The following SLC35F3 variants were observed in gnomAD, a reference collection of about 807,000 sequenced individuals.
SLC35F3 encodes the protein putative thiamine transporter SLC35F3.
SLC35F3 carries 25 observed loss-of-function variants against 49.9 expected under a neutral mutation model. The observed-to-expected ratio is 0.50, with a 90% CI of 0.37 to 0.70. The LOEUF (loss-of-function observed/expected upper bound fraction) is 0.70, where lower values mean the gene tolerates loss of function less well. Among genes scored for constraint, SLC35F3 ranks in the 30% least tolerant of loss-of-function variants. SLC35F3 has a pLI of 0.00. For missense variants in SLC35F3, 525 were observed against 639.8 expected (o/e 0.82, Z 1.94); for synonymous variants, 275 against 265.4 (o/e 1.04, Z -0.35).
At chr1:234,002,654 C>T (rs1356276854) in intron 2 of SLC35F3, among the ~76,000 whole-genome samples, 1 of 152,110 alleles carries the variant, frequency 6.6e-6, no homozygotes, top group African/African-American at 2.4e-5. Context: ...GTCAGATTCC[C>T]CCACTATAAA....
intron 2 of SLC35F3, among the ~76,000 whole-genome samples, chr1:234,227,293 G>A (rs1267579147): frequency 6.6e-6 from 1 of 151,450 alleles, no homozygotes; most frequent in Non-Finnish European, 1.5e-5. Flanking sequence ...GACATAAATA[G>A]TATTTCTAGT....
rs182938115 is a variant in SLC35F3, at chr1:234,204,025, A to G, written c.284-27392A>G. ...ATGCATGCCTTTTTTCCTCTCTAGC[A>G]TTTTCCCTGTGTTATTGAATAACTT... is the stretch of plus-strand genomic sequence containing the variant. On this transcript the variant is annotated intron_variant, in intron 2 of 7. Transcript: ENST00000366618. Among the ~76,000 whole-genome samples, 16 of 152,088 alleles carry G rather than the reference A, an allele frequency of 1.1e-4. No individual in the cohort carries two copies. The East Asian group carries it at 2.3e-3, about 22-fold the overall frequency.
intron 2 of SLC35F3, among the ~76,000 whole-genome samples, chr1:234,155,055 C>A (rs964757547): frequency 1.3e-5 from 2 of 152,124 alleles, no homozygotes; most frequent in Non-Finnish European, 2.9e-5. Flanking sequence ...ACTTATAATA[C>A]CTAACACAAT....
At chr1:234,108,680 A>G (rs201570916) in intron 2 of SLC35F3, among the ~76,000 whole-genome samples, 7 of 95,648 alleles carry the variant, frequency 7.3e-5, no homozygotes, top group Admixed American at 1.7e-4. Flanking sequence ...AGATATATAT[A>G]TTTTTATATA....
intron 2 of SLC35F3, among the ~76,000 whole-genome samples, chr1:234,054,604 G>C (rs755409138): frequency 6.6e-6 from 1 of 152,170 alleles, no homozygotes; most frequent in Non-Finnish European, 1.5e-5. Context: ...TTAGTTCAGA[G>C]AAGTTTATTA....
chr1:234,299,860 T>C (rs962223291), intron 3 of SLC35F3, among the ~76,000 whole-genome samples: 9 of 148,694 alleles, frequency 6.1e-5, no homozygotes, highest in African/African-American at 2.2e-4. Context: ...GTAAATGTTA[T>C]ATGTATTTTA....
intron 3 of SLC35F3, chr1:234,285,481 A>G: frequency 7.7e-6 from 3 of 390,210 alleles, no homozygotes; most frequent in South Asian, 5.9e-5. Flanking sequence ...ACAAGTAAAA[A>G]CAGAAAATTT....
chr1:234,190,336 A>G (rs1666712482), intron 2 of SLC35F3, among the ~76,000 whole-genome samples: 1 of 152,226 alleles, frequency 6.6e-6, no homozygotes, highest in Non-Finnish European at 1.5e-5. Flanking sequence ...CACCTAACAC[A>G]TAAGGACTCA....
intron 2 of SLC35F3, among the ~76,000 whole-genome samples, chr1:234,048,648 G>GAGGTAAGGCTCCCTAGAGCCTTGA (rs1553300602): frequency 4.6e-5 from 7 of 152,184 alleles, no homozygotes; most frequent in Admixed American, 3.9e-4. Flanking sequence ...TGGAGCCTTG[G>GAGGTAAGGCTCCCTAGAGCCTTGA]GAGCAATGCC....
intron 2 of SLC35F3, among the ~76,000 whole-genome samples, chr1:233,972,707 G>A (rs112482207): frequency 0.011 from 1,702 of 152,294 alleles, 11 homozygotes; most frequent in South Asian, 0.024. Flanking sequence ...GATGGACAAC[G>A]AAGGCCTTTT....
In SLC35F3 at chr1:234,281,088, C is replaced by G. The variant is rs187221256; in HGVS notation, c.609-28013C>G. On this transcript the variant is annotated intron_variant, in intron 3 of 7. Transcript: ENST00000366618. ...GTTATGGGCTAAATTGTGTCCCCCC[C>G]CCATGCTCAAATTCATATGCTGAAG... Among the ~76,000 whole-genome samples, 941 of 151,952 alleles carry G rather than the reference C, an allele frequency of 6.2e-3. 9 individuals are homozygous for G. The highest frequency in any genetic ancestry group is 6.0e-3 in the Non-Finnish European group (410 of 68,010).
In SLC35F3 at chr1:234,267,849, C is replaced by T. The variant is rs555643497; in HGVS notation, c.608+36108C>T. ...CGCCCAGCAGAGGCGCTCCTCACAT[C>T]CCAGACAGGGCGGCGGGGCAGAGGT... On this transcript the variant is annotated intron_variant, in intron 3 of 7. Transcript: ENST00000366618. Among the ~76,000 whole-genome samples the T allele has an allele frequency of 8.3e-5, 12 of 144,420 alleles. No homozygotes were observed. The East Asian group carries it at 1.2e-3, about 15-fold the overall frequency. The allele number at this position is 144,420 out of a possible 152,430, so 94.7% of individuals were successfully genotyped here. A position where few individuals can be genotyped will look rare whatever the true frequency, so the allele number is the denominator to read the frequency against.
At position 234,199,624 on chromosome 1, in the gene SLC35F3, AG is replaced by A. The variant is rs35681623; in HGVS notation, c.284-31792del. 3.3e-3 allele frequency among the ~76,000 whole-genome samples: 501 copies of A among 152,364 alleles called. 5 individuals carry two copies. Among genetic ancestry groups the A allele is most frequent in the African/African-American group, 0.012 (479 of 41,584 alleles). ...TGACTCCAAAAGCATAGGCAACAAA[AG>A]CAAAAACAGTCATATGGGATTACAT... On this transcript the variant is annotated intron_variant, in intron 2 of 7. Coordinates refer to ENST00000366618, the MANE Select transcript of SLC35F3 (RefSeq NM_173508.4).
Position 234,255,741 on chromosome 1 carries a change from GTGA to G in SLC35F3, c.608+24005_608+24007del, listed in dbSNP as rs1044412158. Among the ~76,000 whole-genome samples, 7 of 152,192 alleles carry G rather than the reference GTGA, an allele frequency of 4.6e-5. No individual in the cohort carries two copies. In the East Asian group the frequency reaches 1.2e-3, roughly 25 times the overall value. On this transcript the variant is annotated intron_variant, in intron 3 of 7. Coordinates refer to ENST00000366618, the MANE Select transcript of SLC35F3 (RefSeq NM_173508.4). ...AAAATTATAAAGACAATAAAAATCA[GTGA>G]TGATTTGAACCCTGGAAGGGTTGGG...
At chr1:234,060,501 C>T (rs1182071777) in intron 2 of SLC35F3, among the ~76,000 whole-genome samples, 1 of 152,120 alleles carries the variant, frequency 6.6e-6, no homozygotes, top group Non-Finnish European at 1.5e-5. Flanking sequence ...GGTTGAAGTG[C>T]AGTAGCACAA....
chr1:233,999,331 C>T (rs1187313754), intron 2 of SLC35F3, among the ~76,000 whole-genome samples: 3 of 152,056 alleles, frequency 2.0e-5, no homozygotes, highest in African/African-American at 4.8e-5. Flanking sequence ...GCCTTGTCAC[C>T]TTGTGTCCAT....
intron 2 of SLC35F3, among the ~76,000 whole-genome samples, chr1:234,059,625 GACA>G (rs879386254): frequency 0.3 from 19,789 of 65,498 alleles, 1,625 homozygotes; most frequent in Non-Finnish European, 0.45. Context: ...ACTAGACATA[GACA>G]TAGACATAGA....
intron 2 of SLC35F3, among the ~76,000 whole-genome samples, chr1:233,959,903 C>G (rs1233935342): frequency 2.0e-5 from 3 of 152,196 alleles, no homozygotes; most frequent in Non-Finnish European, 4.4e-5. Flanking sequence ...ACATTGAGAC[C>G]TGGAGTGCCC....
intron 3 of SLC35F3, among the ~76,000 whole-genome samples, chr1:234,287,126 G>A (rs1006454486): frequency 1.3e-5 from 2 of 152,130 alleles, no homozygotes; most frequent in Non-Finnish European, 2.9e-5. Context: ...GTGAGCCTGG[G>A]AGTTCCAGGC....
Sources: gnomAD v4.1 joint callset for allele counts (sites outside exome capture counted in the v4.1 genomes callset) on GRCh38, gnomAD v4.1.1 for gene constraint, MANE v1.5 for transcripts, NCBI Gene and HGNC (gene_info 2026-07-23, HGNC 2026-07-21) for gene names.